The following ROCK2 variants were observed in gnomAD, a reference collection of about 807,000 sequenced individuals.
ROCK2 encodes the protein Rho associated coiled-coil containing protein kinase 2, also known as rho-associated protein kinase 2.
ROCK2 carries 61 observed loss-of-function variants against 195.1 expected under a neutral mutation model. The observed-to-expected ratio is 0.31, with a 90% CI of 0.25 to 0.39. The LOEUF is 0.39. Among genes scored for constraint, ROCK2 ranks in the 10% least tolerant of loss-of-function variants. The pLI, the probability that ROCK2 is intolerant of heterozygous loss-of-function variation, is 1.00. For synonymous variants in ROCK2, 504 were observed against 545.5 expected (o/e 0.92, Z 1.06); for missense variants, 1,109 against 1,637.4 (o/e 0.68, Z 5.57).
intron 3 of ROCK2, among the ~76,000 whole-genome samples, chr2:11,282,607 C>CAA (rs70953381): frequency 0.032 from 3,933 of 123,326 alleles, 125 homozygotes; most frequent in Non-Finnish European, 0.043. Flanking sequence ...TATCTACATG[C>CAA]AAAAAAAAAA....
At chr2:11,230,292 A>T (rs1354129625) in intron 5 of ROCK2, among the ~76,000 whole-genome samples, 1 of 151,208 alleles carries the variant, frequency 6.6e-6, no homozygotes, top group Non-Finnish European at 1.5e-5. Flanking sequence ...TATAGTGTCA[A>T]AAAATAAGAA....
chr2:11,308,618 G>A, intron 1 of ROCK2: 2 of 1,466,842 alleles, frequency 1.4e-6, no homozygotes. Context: ...GAATGGCATA[G>A]ACTTAACTCC....
intron 1 of ROCK2, among the ~76,000 whole-genome samples, chr2:11,289,849 G>A (rs139671396): frequency 1.5e-3 from 221 of 152,238 alleles, no homozygotes; most frequent in African/African-American, 5.2e-3. Flanking sequence ...AGTAGAATAG[G>A]GTCAGAGAGC....
chr2:11,279,652 T>C (rs1429746564), intron 3 of ROCK2, among the ~76,000 whole-genome samples: 1 of 152,208 alleles, frequency 6.6e-6, no homozygotes, highest in Non-Finnish European at 1.5e-5. Flanking sequence ...AAGAATATAG[T>C]GGAACTCAAC....
intron 24 of ROCK2, 37 bp downstream of exon 24, chr2:11,198,644 G>C (rs1419532188): frequency 6.4e-7 from 1 of 1,564,020 alleles, no homozygotes; most frequent in African/African-American, 1.4e-5. Context: ...ATAAACATTA[G>C]GTATATTAAA....
chr2:11,308,843 C>G, intron 1 of ROCK2: 1 of 1,611,738 alleles, frequency 6.2e-7, no homozygotes, highest in South Asian at 1.1e-5. Context: ...TGTAATAGAA[C>G]TATACAAGAA....
intron 5 of ROCK2, among the ~76,000 whole-genome samples, chr2:11,231,679 A>G (rs1033737540): frequency 2.6e-5 from 4 of 152,134 alleles, no homozygotes; most frequent in Non-Finnish European, 4.4e-5. Flanking sequence ...TCACATTTAG[A>G]TAAGTTTTTT....
intron 1 of ROCK2, among the ~76,000 whole-genome samples, chr2:11,317,576 T>TTTTATATATATATA (rs1553317356): frequency 1.4e-4 from 4 of 29,582 alleles, no homozygotes; most frequent in Non-Finnish European, 1.1e-4. Flanking sequence ...ATCTACACAT[T>TTTTATATATATATA]TATATATATA....
chr2:11,211,041 A>G (rs905879719), intron 18 of ROCK2, among the ~76,000 whole-genome samples: 32 of 152,200 alleles, frequency 2.1e-4, no homozygotes, highest in Non-Finnish European at 4.4e-5. Flanking sequence ...TTTTCTCTGG[A>G]ATTTCAGAGT....
intron 4 of ROCK2, among the ~76,000 whole-genome samples, chr2:11,245,143 C>T (rs985359868): frequency 6.6e-6 from 1 of 151,434 alleles, no homozygotes; most frequent in African/African-American, 2.4e-5. Flanking sequence ...ATTTCATTTG[C>T]TTACTAATTT....
chr2:11,192,388 T>C lies in ROCK2; in HGVS notation c.3950-27A>G, dbSNP rs1203224614. The C allele has an allele frequency of 1.9e-6, 3 of 1,595,142 alleles. No homozygotes were observed. In the Admixed American group the frequency reaches 5.3e-5, roughly 28 times the overall value. On this transcript the variant is annotated intron_variant, in intron 31 of 32. Coordinates refer to ENST00000315872, the MANE Select transcript of ROCK2 (RefSeq NM_004850.5). This position sits in a 1 kb window ranked among gnomAD's most constrained non-coding sequence, Gnocchi z 5.0. ...TATAAAGAAAAATTAGAAAAAAAAA[T>C]TAATGTGCTTAAAATGATCTGAACA...
chr2:11,244,801 G>T (rs1486911624), intron 4 of ROCK2, among the ~76,000 whole-genome samples: 1 of 151,884 alleles, frequency 6.6e-6, no homozygotes, highest in Non-Finnish European at 1.5e-5. Flanking sequence ...TTTCTAGAAA[G>T]CTTTGCAAGT....
intron 1 of ROCK2, among the ~76,000 whole-genome samples, chr2:11,305,362 C>T (rs542208568): frequency 1.3e-5 from 2 of 151,462 alleles, no homozygotes; most frequent in Admixed American, 6.6e-5. Flanking sequence ...GACAACAGAG[C>T]GAGACTCCGT....
intron 17 of ROCK2, among the ~76,000 whole-genome samples, chr2:11,213,157 CATT>C (rs768803394): frequency 2.0e-5 from 3 of 152,148 alleles, no homozygotes; most frequent in Non-Finnish European, 4.4e-5. Context: ...CTAAGTCTCC[CATT>C]ATTCCTTATC....
intron 3 of ROCK2, among the ~76,000 whole-genome samples, chr2:11,269,639 G>T (rs1375560624): frequency 6.6e-6 from 1 of 152,120 alleles, no homozygotes; most frequent in Non-Finnish European, 1.5e-5. Flanking sequence ...TGTTTCTTCG[G>T]ATATAAGACA....
At position 11,236,098 on chromosome 2, in the gene ROCK2, CT is replaced by C. The variant is rs1399458366; in HGVS notation, c.463-137del. Reference sequence around the variant, plus strand: ...TAACCAAAACTAAAATTTATGAGATCTTTTATTTTAGACTCAGGCGTATGTA... The same window carrying C: ...TAACCAAAACTAAAATTTATGAGATCTTTATTTTAGACTCAGGCGTATGTA... On this transcript the variant is annotated intron_variant, in intron 4 of 32. Coordinates refer to ENST00000315872, the MANE Select transcript of ROCK2 (RefSeq NM_004850.5). 6.1e-6 allele frequency: 5 copies of C among 816,708 alleles called. No individual in the cohort carries two copies. The African/African-American group carries it at 7.0e-5, about 11-fold the overall frequency. 50.6% of individuals were successfully genotyped at this position (816,708 alleles called of 1,614,324 possible).
chr2:11,221,426 G>C, intron 8 of ROCK2, 69 bp from the exon 9 acceptor site: 1 of 1,126,292 alleles, frequency 8.9e-7, no homozygotes, highest in Non-Finnish European at 1.2e-6. Flanking sequence ...ATTTTATTAT[G>C]ATGTATTATT....
At chr2:11,241,710 T>C (rs1456353952) in intron 4 of ROCK2, among the ~76,000 whole-genome samples, 1 of 152,182 alleles carries the variant, frequency 6.6e-6, no homozygotes, top group Admixed American at 6.5e-5. Context: ...TGAATATCCA[T>C]ATGGAAACAC....
intron 4 of ROCK2, among the ~76,000 whole-genome samples, chr2:11,236,798 G>T (rs1243841547): frequency 6.6e-6 from 1 of 152,152 alleles, no homozygotes; most frequent in African/African-American, 2.4e-5. Flanking sequence ...ACAGCAATTT[G>T]AGAAACAAAA....
Sources: gnomAD v4.1 joint callset for allele counts (sites outside exome capture counted in the v4.1 genomes callset) on GRCh38, gnomAD v4.1.1 for gene constraint, Gnocchi (gnomAD v3.1) non-coding constraint, MANE v1.5 for transcripts, NCBI Gene and HGNC (gene_info 2026-07-23, HGNC 2026-07-21) for gene names.